The following MATK variants were observed in gnomAD, a reference collection of about 807,000 sequenced individuals.
The protein encoded by MATK is megakaryocyte-associated tyrosine kinase, also known as megakaryocyte-associated tyrosine-protein kinase.
MATK carries 41 observed loss-of-function variants against 59.8 expected under a neutral mutation model. The observed-to-expected ratio is 0.69, with a 90% confidence interval of 0.53 to 0.89. The LOEUF (loss-of-function observed/expected upper bound fraction) is 0.89, where lower values mean the gene tolerates loss of function less well. Among genes scored for constraint, MATK ranks in the 40% least tolerant of loss-of-function variants. The pLI is 0.00. For synonymous variants in MATK, 308 were observed against 306.1 expected (o/e 1.01, Z -0.06); for missense variants, 593 against 719.6 (o/e 0.82, Z 2.01).
In MATK at chr19:3,781,721, C is replaced by T. The variant is rs1436045840; in HGVS notation, c.677-49G>A. ...AGGGGTAATGGGCCCCCTAAATCCT[C>T]CCATTGGGGGTTCTACTTGGTGAGA... is the stretch of plus-strand genomic sequence containing the variant. On this transcript the variant is annotated intron_variant, in intron 7 of 13. Coordinates refer to ENST00000310132, the MANE Select transcript of MATK (RefSeq NM_139355.3). The T allele has an allele frequency of 3.4e-6, 5 of 1,451,506 alleles. No individual in the cohort carries two copies. The South Asian group carries it at 5.7e-5, about 17-fold the overall frequency. 89.9% of individuals were successfully genotyped at this position (1,451,506 alleles called of 1,614,324 possible).
chr19:3,786,254 C>T lies in MATK; in HGVS notation c.-237G>A, dbSNP rs2037482561. 5 of 985,168 alleles carry T rather than the reference C, an allele frequency of 5.1e-6. No homozygotes were observed. Among genetic ancestry groups the T allele is most frequent in the African/African-American group, 1.7e-5 (1 of 57,208 alleles). The allele number at this position is 985,168 out of a possible 1,614,324, so 61.0% of individuals were successfully genotyped here. A position where few individuals can be genotyped will look rare whatever the true frequency, so the allele number is the denominator to read the frequency against. On this transcript the variant is annotated 5_prime_UTR_variant, in exon 1 of 14. Transcript: ENST00000310132. This position sits in a 1 kb window ranked among gnomAD's most constrained non-coding sequence, Gnocchi z 4.1. ...CCGGCTGCACACCCCGAGGCGGTCC[C>T]GGCTGCACAACTTGGAGCGAGTTGC...
intron 1 of MATK, chr19:3,785,913 G>C (rs1030247268): frequency 6.6e-6 from 1 of 152,438 alleles, no homozygotes. Context: ...ACGTGGACGC[G>C]CGGGTACACA....
At chr19:3,792,737 T>C (rs1039904522) in intron 1 of MATK, among the ~76,000 whole-genome samples, 6 of 152,120 alleles carry the variant, frequency 3.9e-5, no homozygotes, top group African/African-American at 9.6e-5. Context: ...AGGCTGGTCT[T>C]GAACTCCTGA....
chr19:3,790,955 A>G (rs1236090436), upstream of MATK, among the ~76,000 whole-genome samples: 1 of 152,192 alleles, frequency 6.6e-6, no homozygotes, highest in East Asian at 1.9e-4. Flanking sequence ...CCTGGAGGAA[A>G]CAGAGCCAAG....
At chr19:3,784,967 GGGCGATGGCTGGGCA>G in intron 2 of MATK, 82 bp downstream of exon 2, 1 of 1,433,042 alleles carries the variant, frequency 7.0e-7, no homozygotes, top group Non-Finnish European at 9.8e-7. Context: ...GGTCAGGTGG[GGGCGATGGCTGGGCA>G]GGCAGAGAGA....
chr19:3,785,155 A>G lies in MATK; in HGVS notation c.-20T>C. 1 of 1,613,878 alleles carries G rather than the reference A, an allele frequency of 6.2e-7. No homozygotes were observed. The highest frequency in any genetic ancestry group is 8.5e-7 in the Non-Finnish European group (1 of 1,179,932). On this transcript the variant is annotated 5_prime_UTR_variant, in exon 2 of 14. Coordinates refer to ENST00000310132, the MANE Select transcript of MATK (RefSeq NM_139355.3). Reference sequence around the variant, plus strand: ...CGCCATCGCCCCCAGAGGGAAACTGAGGCAGGTGAGAGGCACACTGAGCAA... The same window carrying G: ...CGCCATCGCCCCCAGAGGGAAACTGGGGCAGGTGAGAGGCACACTGAGCAA...
At chr19:3,801,243 G>T (rs2037640679) in intron 1 of MATK, among the ~76,000 whole-genome samples, 1 of 152,184 alleles carries the variant, frequency 6.6e-6, no homozygotes, top group Non-Finnish European at 1.5e-5. Context: ...CCGATCACCT[G>T]AGACACCTTC....
At chr19:3,801,575 G>A (rs2037643640) in exon 1 of MATK, 3 of 152,380 alleles carry the variant, frequency 2.0e-5, no homozygotes, top group African/African-American at 4.8e-5. Flanking sequence ...ATCCGCAACC[G>A]AGGTCCCCGC....
rs1021023330 is a variant in MATK at position 3,792,758 on chromosome 19, T to A, written c.-57-3354A>T. ...GTCTTGAACTCCTGACCTCAGGTGA[T>A]CCACCCACCTCGGCCTCCCAAAGTG... On this transcript the variant is annotated intron_variant, in intron 1 of 13. Coordinates refer to the MATK transcript ENST00000395045. Among the ~76,000 whole-genome samples, 6 of 152,226 alleles carry A rather than the reference T, an allele frequency of 3.9e-5. No homozygotes were observed. In the East Asian group the frequency reaches 1.2e-3, roughly 29 times the overall value.
intron 8 of MATK, among the ~76,000 whole-genome samples, chr19:3,780,010 G>A (rs115663906): frequency 4.6e-5 from 7 of 152,206 alleles, no homozygotes; most frequent in Middle Eastern, 3.2e-3. Flanking sequence ...CTCTGGCGCG[G>A]TGGCTCACGC....
At chr19:3,786,419 TC>T (rs2037485866), upstream of MATK, 1 of 955,156 alleles carries the variant, frequency 1.0e-6, no homozygotes, top group Non-Finnish European at 1.2e-6. This position sits in a 1 kb window ranked among gnomAD's most constrained non-coding sequence, Gnocchi z 4.1. Flanking sequence ...CGCCGGCCCC[TC>T]CCCGCCCCGC....
chr19:3,782,925 C>G, intron 7 of MATK: 1 of 565,570 alleles, frequency 1.8e-6, no homozygotes, highest in Non-Finnish European at 3.2e-6. Context: ...AGATGAGTGG[C>G]GAAGCTGGGG....
rs1381480305 is a variant in MATK, at chr19:3,786,080, G to A, written c.-152+89C>T. 2 of 521,688 alleles carry A rather than the reference G, an allele frequency of 3.8e-6. No individual in the cohort carries two copies. The highest frequency in any genetic ancestry group is 4.9e-6 in the Non-Finnish European group (2 of 405,866). 32.3% of individuals were successfully genotyped at this position (521,688 alleles called of 1,614,324 possible). On this transcript the variant is annotated intron_variant, in intron 1 of 13. Coordinates refer to ENST00000310132, the MANE Select transcript of MATK (RefSeq NM_139355.3). This position sits in a 1 kb window ranked among gnomAD's most constrained non-coding sequence, Gnocchi z 4.1. ...GCACACACCGGCCCTTCCTGCGCAC[G>A]TCCCGGGCCCACCCCCGCCTAGAGC... is the stretch of plus-strand genomic sequence containing the variant.
At chr19:3,792,904 C>T (rs1458903764) in intron 1 of MATK, among the ~76,000 whole-genome samples, 2 of 152,206 alleles carry the variant, frequency 1.3e-5, no homozygotes, top group African/African-American at 2.4e-5. Context: ...GCCGCCATGG[C>T]CTCCATGGAA....
In MATK at chr19:3,778,420, T is replaced by C; in HGVS notation, c.1287A>G (p.Ser429=). The stretch of plus-strand genomic sequence containing the variant: ...CCACGGCCTCCGACACCTCTTTCAG[T>C]GACTGCGGACAGCAGGCGTGGGCAG... The part of the protein sequence containing the change: ...SYGRAPYPKM[S]LKEVSEAVEK... The change falls in exon 14 of 14, where the codon TCA becomes TCG. Residue 429 remains serine (S), a splice_region_variant and synonymous_variant. Coordinates refer to ENST00000310132, the MANE Select transcript of MATK (RefSeq NM_139355.3). 13 of 1,613,254 alleles carry C rather than the reference T, an allele frequency of 8.1e-6. No individual in the cohort carries two copies. Among genetic ancestry groups the C allele is most frequent in the Non-Finnish European group, 1.1e-5 (13 of 1,179,922 alleles).
In MATK at chr19:3,785,189, A is replaced by G; in HGVS notation, c.-54T>C. On this transcript the variant is annotated 5_prime_UTR_variant, in exon 2 of 14. Transcript: ENST00000310132. ...AGAGGCACACTGAGCAAGTGGTCAC[A>G]GTCGGGGACGCTGGGAATGGCCTGC... The G allele has an allele frequency of 6.2e-7, 1 of 1,612,136 alleles. No homozygotes were observed. The highest frequency in any genetic ancestry group is 1.1e-5 in the South Asian group (1 of 91,004).
At chr19:3,793,014 G>T (rs895825059) in intron 1 of MATK, 2 of 152,240 alleles carry the variant, frequency 1.3e-5, no homozygotes, top group Non-Finnish European at 2.9e-5. Flanking sequence ...CCAGCCAGGG[G>T]ACTCCGGGAT....
At chr19:3,785,388 G>T in intron 1 of MATK, 102 bp from the exon 2 acceptor site, 2 of 779,040 alleles carry the variant, frequency 2.6e-6, no homozygotes, top group Non-Finnish European at 3.9e-6. Context: ...GGCGGGTCCT[G>T]TAGCCCTGCT....
upstream of MATK, chr19:3,786,442 C>T: frequency 1.0e-6 from 1 of 973,482 alleles, no homozygotes; most frequent in Non-Finnish European, 1.2e-6. The surrounding 1 kb of genome is among the most constrained non-coding windows in gnomAD (Gnocchi z 4.1). Flanking sequence ...TCCGCGGCCC[C>T]CGGCGCCTCC....
Sources: gnomAD v4.1 joint callset for allele counts (sites outside exome capture counted in the v4.1 genomes callset) on GRCh38, gnomAD v4.1.1 for gene constraint, Gnocchi (gnomAD v3.1) non-coding constraint, MANE v1.5 for transcripts, NCBI Gene and HGNC (gene_info 2026-07-23, HGNC 2026-07-21) for gene names.